Variants in NADK2 observed in about 807,000 individuals in gnomAD.
The protein encoded by NADK2 is NAD kinase domain-containing protein 1, mitochondrial.
NADK2 carries 35 observed loss-of-function variants against 62.1 expected under a neutral mutation model. The observed-to-expected ratio is 0.56, with a 90% CI of 0.43 to 0.75. The LOEUF is 0.75. Ranked by LOEUF, NADK2 falls within the 30% of genes least tolerant of loss-of-function variation. The pLI is 0.00. For synonymous variants in NADK2, 205 were observed against 207.9 expected (o/e 0.99, Z 0.12); for missense variants, 439 against 561.3 (o/e 0.78, Z 2.20).
At chr5:36,226,605 A>G in intron 2 of NADK2, 42 bp from the exon 3 acceptor site, 1 of 1,365,952 alleles carries the variant, frequency 7.3e-7, no homozygotes, top group South Asian at 1.2e-5. Flanking sequence ...TTCCACTAAT[A>G]ATATATATAA....
At chr5:36,224,791 T>TGATGGCTAGAA (rs1747419783) in intron 4 of NADK2, among the ~76,000 whole-genome samples, 2 of 152,000 alleles carry the variant, frequency 1.3e-5, no homozygotes. Flanking sequence ...CCAGGTACAG[T>TGATGGCTAGAA]CATGGCTGTG....
intron 1 of NADK2, among the ~76,000 whole-genome samples, chr5:36,229,629 T>C (rs1747630451): frequency 6.6e-6 from 1 of 151,790 alleles, no homozygotes. Context: ...GTTTCACGGC[T>C]TTAAAAGAGA....
chr5:36,206,827 A>C (rs1230016202), intron 8 of NADK2, among the ~76,000 whole-genome samples: 4 of 152,028 alleles, frequency 2.6e-5, no homozygotes, highest in African/African-American at 7.2e-5. Context: ...GGCTTTTAAT[A>C]TACAAACCTC....
intron 10 of NADK2, among the ~76,000 whole-genome samples, chr5:36,199,461 C>T (rs945015793): frequency 5.3e-5 from 8 of 151,884 alleles, no homozygotes; most frequent in Admixed American, 1.3e-4. Context: ...TTAGGATATC[C>T]TTCAATGCAG....
rs748577644 is a variant in NADK2 at position 36,219,546 on chromosome 5, C to T, written c.644+50G>A. On this transcript the variant is annotated intron_variant, in intron 5 of 11. Coordinates refer to ENST00000381937, the MANE Select transcript of NADK2 (RefSeq NM_001085411.3). ...TGTTTTTTAACAGCATTATTAATGG[C>T]ACATACTTATTAAGATACTTACATA... is the stretch of plus-strand genomic sequence containing the variant. 4.7e-6 allele frequency: 7 copies of T among 1,473,992 alleles called. No individual in the cohort carries two copies. The African/African-American group carries it at 7.0e-5, about 15-fold the overall frequency. 91.3% of individuals were successfully genotyped at this position (1,473,992 alleles called of 1,614,324 possible). A position where few individuals can be genotyped will look rare whatever the true frequency, so the allele number is the denominator to read the frequency against.
intron 1 of NADK2, among the ~76,000 whole-genome samples, chr5:36,230,800 A>AC (rs1747680794): frequency 9.1e-5 from 2 of 22,086 alleles, no homozygotes; most frequent in African/African-American, 1.7e-4. Flanking sequence ...GCTCTAAAAA[A>AC]AATTCATCTA....
chr5:36,206,671 T>G (rs184507403), intron 8 of NADK2, among the ~76,000 whole-genome samples: 1 of 152,098 alleles, frequency 6.6e-6, no homozygotes, highest in Non-Finnish European at 1.5e-5. Context: ...ATCTGGCATG[T>G]AATTTTAGAA....
At chr5:36,213,618 C>CATGCATATATATATATATATATAT (rs1554008781) in intron 6 of NADK2, among the ~76,000 whole-genome samples, 1 of 107,536 alleles carries the variant, frequency 9.3e-6, no homozygotes, top group Non-Finnish European at 2.0e-5. Flanking sequence ...TATATGCATG[C>CATGCATATATATATATATATATAT]ATATATATAT....
At position 36,225,474 on chromosome 5, in the gene NADK2, T is replaced by C. The variant is rs1579628315; in HGVS notation, c.560+68A>G. ...CAATCAAAGCAGAAATGCATGTATG[T>C]ATAACCTAAAAAAAAACTTAAAAAG... is the stretch of plus-strand genomic sequence containing the variant. On this transcript the variant is annotated intron_variant, in intron 4 of 11. Coordinates refer to ENST00000381937, the MANE Select transcript of NADK2 (RefSeq NM_001085411.3). 3.2e-6 allele frequency: 4 copies of C among 1,240,772 alleles called. No individual in the cohort carries two copies. In the East Asian group the frequency reaches 9.4e-5, roughly 29 times the overall value. 76.9% of individuals were successfully genotyped at this position (1,240,772 alleles called of 1,614,324 possible).
rs569836846 is a variant in NADK2 at position 36,241,285 on chromosome 5, C to CCCTCTCCCCGGCCCTG, written c.300+198_300+213dup. The CCCTCTCCCCGGCCCTG allele has an allele frequency of 3.9e-4, 378 of 961,610 alleles. 2 individuals are homozygous for CCCTCTCCCCGGCCCTG. The East Asian group carries it at 0.012, about 30-fold the overall frequency. 59.6% of individuals were successfully genotyped at this position (961,610 alleles called of 1,614,324 possible). A position where few individuals can be genotyped will look rare whatever the true frequency, so the allele number is the denominator to read the frequency against. On this transcript the variant is annotated intron_variant, in intron 1 of 11. Coordinates refer to ENST00000381937, the MANE Select transcript of NADK2 (RefSeq NM_001085411.3). The surrounding 1 kb of genome is among the most constrained non-coding windows in gnomAD (Gnocchi z 4.9). ...CATGAACCACTGTCCCTCTCTCTCC[C>CCCTCTCCCCGGCCCTG]CCTCTCCCCGGCCCTGCCTCTCCCT... is the stretch of plus-strand genomic sequence containing the variant.
chr5:36,213,257 C>T (rs1457699617), intron 6 of NADK2: 1 of 152,126 alleles, frequency 6.6e-6, no homozygotes, highest in Admixed American at 6.6e-5. Flanking sequence ...TAAATATTTA[C>T]ATTTAAGATG....
intron 11 of NADK2, among the ~76,000 whole-genome samples, chr5:36,196,291 C>T (rs1343810360): frequency 6.6e-6 from 1 of 152,050 alleles, no homozygotes; most frequent in African/African-American, 2.4e-5. Flanking sequence ...TGTAGTTGTT[C>T]CTCCTTGCCA....
intron 1 of NADK2, among the ~76,000 whole-genome samples, chr5:36,228,486 G>A (rs1243132531): frequency 6.6e-6 from 1 of 151,752 alleles, no homozygotes; most frequent in African/African-American, 2.4e-5. Flanking sequence ...GGCTGGTCTT[G>A]GACTCCTAGG....
chr5:36,222,385 T>C lies in NADK2; in HGVS notation c.561-2706A>G, dbSNP rs146974436. Among the ~76,000 whole-genome samples the C allele has an allele frequency of 9.6e-4, 146 of 152,280 alleles. 1 individual carries two copies. Among genetic ancestry groups the C allele is most frequent in the African/African-American group, 3.4e-3 (142 of 41,552 alleles). The stretch of plus-strand genomic sequence containing the variant: ...CCTGTGTGAGCCTCTAACCAGCATG[T>C]TGGTGGACACTCATATAGTTACATT... On this transcript the variant is annotated intron_variant, in intron 4 of 11. Coordinates refer to ENST00000381937, the MANE Select transcript of NADK2 (RefSeq NM_001085411.3).
At chr5:36,217,945 TATA>T in intron 5 of NADK2, 61 bp from the exon 6 acceptor site, 1 of 1,453,746 alleles carries the variant, frequency 6.9e-7, no homozygotes, top group East Asian at 2.5e-5. Context: ...GAGTAGACAT[TATA>T]ATAATTTAAC....
At chr5:36,211,821 C>CA (rs1746856680) in intron 7 of NADK2, 23 bp downstream of exon 7, 1 of 1,586,540 alleles carries the variant, frequency 6.3e-7, no homozygotes, top group African/African-American at 1.3e-5. Flanking sequence ...ATTCCATGCT[C>CA]AAGATCACAG....
intron 4 of NADK2, among the ~76,000 whole-genome samples, chr5:36,220,868 C>T (rs546213723): frequency 1.3e-3 from 197 of 152,266 alleles, no homozygotes; most frequent in African/African-American, 4.6e-3. Flanking sequence ...TGGCAGGAGG[C>T]CTCAATCACC....
At chr5:36,225,215 A>G (rs1747437267) in intron 4 of NADK2, among the ~76,000 whole-genome samples, 1 of 152,202 alleles carries the variant, frequency 6.6e-6, no homozygotes, top group Non-Finnish European at 1.5e-5. Context: ...TATATCCTTG[A>G]AAACAACTAC....
intron 7 of NADK2, chr5:36,208,751 C>T: frequency 4.9e-6 from 5 of 1,017,432 alleles, no homozygotes; most frequent in Non-Finnish European, 7.2e-6. Context: ...GTTCTTAAAT[C>T]TAAGAACATT....
Sources: gnomAD v4.1 joint callset for allele counts (sites outside exome capture counted in the v4.1 genomes callset) on GRCh38, gnomAD v4.1.1 for gene constraint, Gnocchi (gnomAD v3.1) non-coding constraint, MANE v1.5 for transcripts, NCBI Gene and HGNC (gene_info 2026-07-23, HGNC 2026-07-21) for gene names.